AUTS2: variants seen among roughly 807,000 people sequenced by gnomAD.
The protein encoded by AUTS2 is autism susceptibility gene 2 protein.
Under a neutral mutation model 112.4 loss-of-function variants are expected in AUTS2, and 17 were observed. The ratio of observed to expected loss-of-function variants is 0.15; its 90% CI spans 0.10 to 0.23. The LOEUF is 0.23. Among genes scored for constraint, AUTS2 ranks in the 10% least tolerant of loss-of-function variants. The pLI is 1.00. For synonymous variants in AUTS2, 751 were observed against 702.7 expected (o/e 1.07, Z -1.09); for missense variants, 1,510 against 1,701.6 (o/e 0.89, Z 1.98).
intron 4 of AUTS2, among the ~76,000 whole-genome samples, chr7:70,305,175 T>C (rs925159038): frequency 2.0e-5 from 3 of 152,202 alleles, no homozygotes; most frequent in Non-Finnish European, 2.9e-5. Context: ...ATCATTATTA[T>C]GAATAATGGT....
intron 5 of AUTS2, among the ~76,000 whole-genome samples, chr7:70,583,518 G>T (rs182539641): frequency 6.6e-6 from 1 of 152,198 alleles, no homozygotes; most frequent in South Asian, 2.1e-4. Context: ...GAGGGGCGGA[G>T]GCAGAGGTAG....
chr7:69,731,914 A>T (rs1786812156), intron 1 of AUTS2, among the ~76,000 whole-genome samples: 1 of 152,236 alleles, frequency 6.6e-6, no homozygotes, highest in Non-Finnish European at 1.5e-5. Context: ...CTCATCTGTA[A>T]AATGGGTAAC....
At chr7:70,587,628 G>A (rs1802745419) in intron 5 of AUTS2, among the ~76,000 whole-genome samples, 1 of 152,178 alleles carries the variant, frequency 6.6e-6, no homozygotes, top group South Asian at 2.1e-4. Context: ...TGCATCCCAG[G>A]CACTTTGGTG....
intron 1 of AUTS2, among the ~76,000 whole-genome samples, chr7:69,690,918 A>G (rs1356053631): frequency 6.6e-6 from 1 of 152,026 alleles, no homozygotes; most frequent in Non-Finnish European, 1.5e-5. Flanking sequence ...GTGACAGAAG[A>G]GCTCTTAGGA....
chr7:70,183,833 C>CTTTT (rs60689973), intron 4 of AUTS2, among the ~76,000 whole-genome samples: 1 of 137,956 alleles, frequency 7.2e-6, no homozygotes, highest in African/African-American at 2.7e-5. Context: ...CTGTCTTTTT[C>CTTTT]TTTTTTTTTT....
At chr7:69,671,790 CTATTTTATTT>C (rs527590074) in intron 1 of AUTS2, among the ~76,000 whole-genome samples, 246 of 152,034 alleles carry the variant, frequency 1.6e-3, no homozygotes, top group African/African-American at 4.0e-3. Context: ...TATTTTTGTC[CTATTTTATTT>C]TATTTTATTT....
At chr7:70,442,132 T>A (rs1024825914) in intron 5 of AUTS2, among the ~76,000 whole-genome samples, 4 of 152,214 alleles carry the variant, frequency 2.6e-5, no homozygotes, top group Non-Finnish European at 4.4e-5. Flanking sequence ...CAGACAGCCA[T>A]CACCCAGGGA....
At chr7:69,691,174 G>T (rs548240849) in intron 1 of AUTS2, among the ~76,000 whole-genome samples, 9 of 152,306 alleles carry the variant, frequency 5.9e-5, no homozygotes, top group Admixed American at 5.9e-4. Context: ...TCCATGGGTG[G>T]CCATGAGTGG....
At chr7:70,338,354 A>G (rs890545420) in intron 4 of AUTS2, among the ~76,000 whole-genome samples, 1 of 152,334 alleles carries the variant, frequency 6.6e-6, no homozygotes, top group Middle Eastern at 3.4e-3. Context: ...TTGGAGGATT[A>G]ACTATTAAAG....
At chr7:70,523,485 A>G (rs1469974993) in intron 5 of AUTS2, among the ~76,000 whole-genome samples, 2 of 152,192 alleles carry the variant, frequency 1.3e-5, no homozygotes, top group African/African-American at 4.8e-5. Flanking sequence ...TAAAGTTGAC[A>G]TCTTACTGTA....
intron 1 of AUTS2, among the ~76,000 whole-genome samples, chr7:69,642,466 C>G (rs1002350304): frequency 6.6e-5 from 10 of 152,192 alleles, no homozygotes; most frequent in African/African-American, 2.2e-4. Context: ...AAGAACTGTA[C>G]TTTGATATAT....
chr7:70,006,226 T>TA (rs1198189010), intron 2 of AUTS2, among the ~76,000 whole-genome samples: 1 of 152,174 alleles, frequency 6.6e-6, no homozygotes. Flanking sequence ...TCTTGAAGGA[T>TA]ACAACTGGAA....
rs570269829 is a variant in AUTS2 at position 70,095,851 on chromosome 7, A to G, written c.523-22281A>G. On this transcript the variant is annotated intron_variant, in intron 2 of 18. Transcript: ENST00000342771. The stretch of plus-strand genomic sequence containing the variant: ...TAAACTGGCCATGTTTAGTTATGGT[A>G]TTGAAGAAAGGGTTTGATCCATACA... Among the ~76,000 whole-genome samples, 3 of 152,326 alleles carry G rather than the reference A, an allele frequency of 2.0e-5. No homozygotes were observed. In the South Asian group the frequency reaches 6.2e-4, roughly 32 times the overall value.
At chr7:70,377,794 C>T (rs1365518609) in intron 4 of AUTS2, among the ~76,000 whole-genome samples, 4 of 141,328 alleles carry the variant, frequency 2.8e-5, no homozygotes, top group African/African-American at 1.1e-4. Context: ...TTTTTTGTGA[C>T]AGAGTCTCAC....
chr7:69,711,068 G>A (rs1798302348), intron 1 of AUTS2, among the ~76,000 whole-genome samples: 1 of 152,168 alleles, frequency 6.6e-6, no homozygotes, highest in South Asian at 2.1e-4. Flanking sequence ...TGGTGGCTGA[G>A]ACCATGGGAC....
At chr7:70,152,303 TAAAG>T (rs778699788) in intron 4 of AUTS2, among the ~76,000 whole-genome samples, 1 of 151,744 alleles carries the variant, frequency 6.6e-6, no homozygotes, top group African/African-American at 2.4e-5. Flanking sequence ...ATCAGAAACA[TAAAG>T]AAAATTACAC....
intron 1 of AUTS2, among the ~76,000 whole-genome samples, chr7:69,779,361 A>T (rs931775068): frequency 1.3e-5 from 2 of 152,178 alleles, no homozygotes; most frequent in Admixed American, 6.5e-5. Flanking sequence ...ATTAGAAAGG[A>T]TGGGAAGAGC....
intron 2 of AUTS2, among the ~76,000 whole-genome samples, chr7:70,078,233 TA>T (rs1332825642): frequency 6.6e-6 from 1 of 152,026 alleles, no homozygotes; most frequent in Non-Finnish European, 1.5e-5. Context: ...TGTTTTTTTT[TA>T]ATATGATAAC....
At chr7:69,982,830 A>G (rs1282008664) in intron 2 of AUTS2, among the ~76,000 whole-genome samples, 2 of 152,194 alleles carry the variant, frequency 1.3e-5, no homozygotes, top group South Asian at 2.1e-4. Flanking sequence ...TTCTTGGTAT[A>G]TTGTTTAAGA....
Sources: gnomAD v4.1 joint callset for allele counts (sites outside exome capture counted in the v4.1 genomes callset) on GRCh38, gnomAD v4.1.1 for gene constraint, MANE v1.5 for transcripts, NCBI Gene and HGNC (gene_info 2026-07-23, HGNC 2026-07-21) for gene names.